RTF1: variants seen among roughly 807,000 people sequenced by gnomAD.
RTF1 encodes the protein RTF1 homolog, Paf1/RNA polymerase II complex component, also known as RNA polymerase-associated protein RTF1 homolog.
In RTF1, 10 loss-of-function variants were observed where a neutral mutation model predicts 95.7. That is an observed-to-expected ratio of 0.10 (90% CI 0.06 to 0.18). The LOEUF is 0.18. Among genes scored for constraint, RTF1 ranks in the 10% least tolerant of loss-of-function variants. RTF1 has a pLI of 1.00. For synonymous variants in RTF1, 305 were observed against 311.8 expected, an observed-to-expected ratio of 0.98 and a Z score of 0.23; for missense variants, 458 against 875.6, an observed-to-expected ratio of 0.52 and a Z score of 6.02.
At chr15:41,442,500 A>AT (rs2050740933) in intron 2 of RTF1, among the ~76,000 whole-genome samples, 3 of 152,098 alleles carry the variant, frequency 2.0e-5, no homozygotes, top group African/African-American at 7.2e-5. Flanking sequence ...GAAAAAACAC[A>AT]TACTGAAGTA....
chr15:41,470,496 C>T, intron 7 of RTF1, 104 bp downstream of exon 7: 5 of 1,217,794 alleles, frequency 4.1e-6, no homozygotes, highest in Non-Finnish European at 5.9e-6. Context: ...CTAACTCTGA[C>T]ATGGTTACCT....
At chr15:41,426,781 ATGTG>A (rs58073154) in intron 1 of RTF1, among the ~76,000 whole-genome samples, 2,888 of 78,406 alleles carry the variant, frequency 0.037, 85 homozygotes, top group African/African-American at 0.083. Flanking sequence ...CTACATATAT[ATGTG>A]TGTGTGTGTG....
intron 16 of RTF1, 108 bp downstream of exon 16, chr15:41,479,306 A>G: frequency 2.9e-6 from 2 of 700,116 alleles, no homozygotes; most frequent in Non-Finnish European, 5.0e-6. Flanking sequence ...AGGAACAGGG[A>G]GTCCCTCTTG....
In RTF1 at chr15:41,444,970, C is replaced by T. The variant is rs565866690; in HGVS notation, c.309+6539C>T. On this transcript the variant is annotated intron_variant, in intron 2 of 17. Coordinates refer to ENST00000389629, the MANE Select transcript of RTF1 (RefSeq NM_015138.5). ...TTTTTGAGACGGAGTCTCGGTCTGT[C>T]GCCCAGGCTGGAGTGCAGTGGCACG... Among the ~76,000 whole-genome samples the T allele has an allele frequency of 3.3e-3, 509 of 151,986 alleles. 2 individuals are homozygous for T. The highest frequency in any genetic ancestry group is 0.012 in the African/African-American group (480 of 41,458).
intron 9 of RTF1, 73 bp downstream of exon 9, chr15:41,474,775 C>G: frequency 9.7e-7 from 1 of 1,028,854 alleles, no homozygotes; most frequent in South Asian, 1.3e-5. Flanking sequence ...GCTGTTCTCT[C>G]TGTGTGATGT....
At chr15:41,436,296 A>C (rs1433696745) in intron 1 of RTF1, among the ~76,000 whole-genome samples, 1 of 151,028 alleles carries the variant, frequency 6.6e-6, no homozygotes, top group African/African-American at 2.4e-5. Context: ...CTAAAAAAAA[A>C]AAAAAAAAAA....
At chr15:41,426,781 A>ATATGTG (rs767579491) in intron 1 of RTF1, among the ~76,000 whole-genome samples, 13 of 78,458 alleles carry the variant, frequency 1.7e-4, no homozygotes, top group African/African-American at 4.6e-4. Flanking sequence ...CTACATATAT[A>ATATGTG]TGTGTGTGTG....
chr15:41,455,277 GTA>G (rs940682624), intron 3 of RTF1, among the ~76,000 whole-genome samples: 3 of 148,174 alleles, frequency 2.0e-5, no homozygotes, highest in African/African-American at 7.5e-5. Context: ...TCACCCCACT[GTA>G]CTCCAGCCTG....
At chr15:41,452,436 C>T (rs1160419656) in intron 2 of RTF1, among the ~76,000 whole-genome samples, 1 of 151,912 alleles carries the variant, frequency 6.6e-6, no homozygotes. Flanking sequence ...GACCTTGTCT[C>T]AAAAACAAAA....
chr15:41,467,562 A>G (rs1295579897), intron 6 of RTF1, among the ~76,000 whole-genome samples: 4 of 152,014 alleles, frequency 2.6e-5, no homozygotes, highest in Non-Finnish European at 5.9e-5. Context: ...AAAAAATACA[A>G]AAATTAGCTG....
rs759761816 is a variant in RTF1 at position 41,471,380 on chromosome 15, A to G, written c.1203+31A>G. 9.5e-6 allele frequency: 15 copies of G among 1,587,132 alleles called. No individual in the cohort carries two copies. In the South Asian group the frequency reaches 1.0e-4, roughly 11 times the overall value. On this transcript the variant is annotated intron_variant, in intron 8 of 17. Transcript: ENST00000389629. ...TATTTCTTCCCTTGGACAATTGTCC[A>G]TGCTTTCAGTATAATTAGTCTCAAC...
chr15:41,478,571 C>T lies in RTF1; in HGVS notation c.1764C>T (p.Asn588=). 1.2e-6 allele frequency: 2 copies of T among 1,613,632 alleles called. No homozygotes were observed. Among genetic ancestry groups the T allele is most frequent in the Non-Finnish European group, 1.7e-6 (2 of 1,179,920 alleles). The change falls in exon 15 of 18, where the codon AAC becomes AAT. Residue 588 remains asparagine (N), a synonymous_variant. Coordinates refer to ENST00000389629, the MANE Select transcript of RTF1 (RefSeq NM_015138.5). The part of the protein sequence containing the change: ...ALVAESHNMK[N]QQMDPFTRRQ... ...AGGCTGAAAGTCACAACATGAAAAA[C>T]CAACAGATGGATCCCTTTACTCGGC...
intron 9 of RTF1, 85 bp from the exon 10 acceptor site, chr15:41,475,440 G>A: frequency 1.0e-6 from 1 of 995,102 alleles, no homozygotes; most frequent in Non-Finnish European, 1.6e-6. Context: ...GTATATATAG[G>A]TGGTACATAG....
chr15:41,466,755 C>T (rs1490315043), intron 6 of RTF1, among the ~76,000 whole-genome samples: 1 of 152,214 alleles, frequency 6.6e-6, no homozygotes, highest in Non-Finnish European at 1.5e-5. Context: ...TCCCTTAAGG[C>T]ATTTAATCTG....
chr15:41,419,723 A>G (rs2050590684), intron 1 of RTF1, among the ~76,000 whole-genome samples: 1 of 152,232 alleles, frequency 6.6e-6, no homozygotes, highest in Non-Finnish European at 1.5e-5. Flanking sequence ...AATTCTGATG[A>G]ATAAAATAAG....
At chr15:41,431,118 C>T (rs1256429413) in intron 1 of RTF1, among the ~76,000 whole-genome samples, 3 of 150,622 alleles carry the variant, frequency 2.0e-5, no homozygotes, top group African/African-American at 7.3e-5. Context: ...GTTGGCCAGG[C>T]TGGTCTTGAA....
chr15:41,474,476 C>T (rs2050932118), intron 8 of RTF1, 144 bp from the exon 9 acceptor site: 2 of 669,274 alleles, frequency 3.0e-6, no homozygotes, highest in Non-Finnish European at 5.4e-6. Flanking sequence ...CCTGAGAAAC[C>T]TTTCTCAGAA....
chr15:41,436,857 G>A (rs2050706269), intron 1 of RTF1, among the ~76,000 whole-genome samples: 1 of 151,920 alleles, frequency 6.6e-6, no homozygotes, highest in East Asian at 1.9e-4. Context: ...GGGAGGTCGA[G>A]TTGGGCGGAT....
intron 1 of RTF1, among the ~76,000 whole-genome samples, chr15:41,425,296 G>A (rs996456212): frequency 1.3e-5 from 2 of 151,852 alleles, no homozygotes; most frequent in African/African-American, 2.4e-5. Flanking sequence ...TAGTAGGCAC[G>A]GGTTTCACCA....
Sources: allele counts gnomAD v4.1 joint callset (sites outside exome capture counted in the v4.1 genomes callset), GRCh38; gene constraint gnomAD v4.1.1; transcripts MANE v1.5; gene names NCBI Gene and HGNC (gene_info 2026-07-23, HGNC 2026-07-21).